The following SCAPER variants were observed in gnomAD, a reference collection of about 807,000 sequenced individuals.
SCAPER encodes S phase cyclin A-associated protein in the endoplasmic reticulum.
A neutral mutation model predicts 182.2 loss-of-function variants in SCAPER; 98 were observed. That is an observed-to-expected ratio of 0.54 (90% CI 0.46 to 0.64). The LOEUF is 0.64. SCAPER is among the 30% of genes least tolerant of loss of function. SCAPER has a pLI of 0.00. For synonymous variants in SCAPER, 605 were observed against 564.6 expected, an observed-to-expected ratio of 1.07 and a Z score of -1.01; for missense variants, 1,432 against 1,690.0, an observed-to-expected ratio of 0.85 and a Z score of 2.68.
chr15:76,614,637 A>G (rs1410819190), intron 22 of SCAPER, among the ~76,000 whole-genome samples: 1 of 152,224 alleles, frequency 6.6e-6, no homozygotes, highest in East Asian at 1.9e-4. Context: ...ATGAAAGCAC[A>G]ACATATCAAA....
intron 1 of SCAPER, among the ~76,000 whole-genome samples, chr15:76,897,786 T>C (rs2074519640): frequency 6.6e-6 from 1 of 152,230 alleles, no homozygotes; most frequent in South Asian, 2.1e-4. Flanking sequence ...CACTGCATCT[T>C]GTGCACTCCT....
chr15:76,685,337 A>T (rs1302918573), intron 20 of SCAPER, among the ~76,000 whole-genome samples: 1 of 152,022 alleles, frequency 6.6e-6, no homozygotes, highest in Non-Finnish European at 1.5e-5. Context: ...AAAAAAAAGT[A>T]AATTTGAGTT....
intron 15 of SCAPER, among the ~76,000 whole-genome samples, chr15:76,741,561 C>A (rs1256731659): frequency 6.6e-6 from 1 of 151,996 alleles, no homozygotes; most frequent in Non-Finnish European, 1.5e-5. Context: ...AAACTGGTGG[C>A]AGCTGCAATG....
At chr15:76,789,039 T>A (rs2064819768) in intron 8 of SCAPER, among the ~76,000 whole-genome samples, 1 of 152,148 alleles carries the variant, frequency 6.6e-6, no homozygotes, top group South Asian at 2.1e-4. Flanking sequence ...CAAATACATT[T>A]CTCTTGTAAT....
At chr15:76,783,892 A>G (rs892681885) in intron 8 of SCAPER, among the ~76,000 whole-genome samples, 2 of 152,268 alleles carry the variant, frequency 1.3e-5, no homozygotes, top group Non-Finnish European at 1.5e-5. Flanking sequence ...TCTCAAAATA[A>G]TAAGAGCTAT....
chr15:76,520,436 T>C (rs556714896), intron 23 of SCAPER, among the ~76,000 whole-genome samples: 2 of 152,260 alleles, frequency 1.3e-5, no homozygotes, highest in East Asian at 3.9e-4. Context: ...CAGGCTGGGC[T>C]TGAACTCCTG....
intron 29 of SCAPER, among the ~76,000 whole-genome samples, chr15:76,368,269 ATGTT>A (rs1181122275): frequency 3.3e-5 from 5 of 152,220 alleles, no homozygotes; most frequent in African/African-American, 1.2e-4. Flanking sequence ...TGAAGTAAAA[ATGTT>A]TGAGCAGGAA....
intron 29 of SCAPER, among the ~76,000 whole-genome samples, chr15:76,369,326 G>A (rs2041998338): frequency 1.3e-5 from 2 of 152,200 alleles, no homozygotes; most frequent in Admixed American, 1.3e-4. Context: ...TAATGATAAG[G>A]AAATATTAAA....
intron 5 of SCAPER, among the ~76,000 whole-genome samples, chr15:76,817,538 A>G (rs943887391): frequency 4.6e-5 from 7 of 152,172 alleles, no homozygotes; most frequent in African/African-American, 1.7e-4. Context: ...CGTATTGTAT[A>G]CTAAAAATTC....
intron 23 of SCAPER, among the ~76,000 whole-genome samples, chr15:76,562,286 C>A (rs912289959): frequency 2.0e-5 from 3 of 151,298 alleles, no homozygotes; most frequent in African/African-American, 7.3e-5. Context: ...TTATAAAAGA[C>A]AATATTGATA....
chr15:76,481,149 C>T (rs994907853), intron 24 of SCAPER, among the ~76,000 whole-genome samples: 3 of 152,098 alleles, frequency 2.0e-5, no homozygotes, highest in Non-Finnish European at 4.4e-5. Context: ...AAAATTTGGA[C>T]CCAACAGAGA....
intron 24 of SCAPER, among the ~76,000 whole-genome samples, chr15:76,497,109 CTTT>C (rs57202860): frequency 2.3e-5 from 2 of 86,706 alleles, no homozygotes; most frequent in African/African-American, 4.7e-5. Flanking sequence ...TTGGTCTCCT[CTTT>C]TTTTTTTTTT....
At chr15:76,468,878 G>C (rs553401368) in intron 25 of SCAPER, among the ~76,000 whole-genome samples, 1 of 152,158 alleles carries the variant, frequency 6.6e-6, no homozygotes, top group Non-Finnish European at 1.5e-5. Context: ...AGAGGCCAGA[G>C]AATTAGCTTG....
chr15:76,451,898 T>C (rs1191360837), intron 25 of SCAPER, among the ~76,000 whole-genome samples: 12 of 152,214 alleles, frequency 7.9e-5, no homozygotes, highest in Non-Finnish European at 1.8e-4. Context: ...TGCATTATTA[T>C]AGGGTATTGG....
chr15:76,437,064 G>A (rs973624878), intron 25 of SCAPER, among the ~76,000 whole-genome samples: 2 of 152,150 alleles, frequency 1.3e-5, no homozygotes, highest in Non-Finnish European at 2.9e-5. Context: ...GCTGTGCCTG[G>A]TTGTCCCCAT....
intron 23 of SCAPER, among the ~76,000 whole-genome samples, chr15:76,516,852 A>G (rs1223928370): frequency 6.6e-6 from 1 of 152,146 alleles, no homozygotes; most frequent in East Asian, 1.9e-4. Context: ...CTTTTATCAA[A>G]TTACCATCTT....
chr15:76,384,315 T>A (rs567063776), intron 27 of SCAPER, among the ~76,000 whole-genome samples: 11 of 152,346 alleles, frequency 7.2e-5, no homozygotes, highest in Admixed American at 2.0e-4. Flanking sequence ...TTTAAACTGA[T>A]TATCAGCATA....
At chr15:76,881,531 A>G in intron 2 of SCAPER, among the ~76,000 whole-genome samples, 1 of 152,364 alleles carries the variant, frequency 6.6e-6, no homozygotes, top group African/African-American at 2.4e-5. Context: ...ATTTATTTAT[A>G]ACAGAATATT....
chr15:76,855,659 T>G (rs890112224), intron 4 of SCAPER, among the ~76,000 whole-genome samples: 8 of 151,968 alleles, frequency 5.3e-5, no homozygotes, highest in African/African-American at 1.9e-4. Context: ...CCGATAAGCA[T>G]ATGAAAAAAA....
Sources: gnomAD v4.1 joint callset for allele counts (sites outside exome capture counted in the v4.1 genomes callset) on GRCh38, gnomAD v4.1.1 for gene constraint, MANE v1.5 for transcripts, NCBI Gene and HGNC (gene_info 2026-07-23, HGNC 2026-07-21) for gene names.